The following PPM1B variants were observed in gnomAD, a reference collection of about 807,000 sequenced individuals.
PPM1B encodes the protein protein phosphatase, Mg2+/Mn2+ dependent 1B, also known as protein phosphatase 1B.
A neutral mutation model predicts 43.0 loss-of-function variants in PPM1B; 22 were observed. The ratio of observed to expected loss-of-function variants is 0.51; its 90% CI spans 0.37 to 0.73. The LOEUF (loss-of-function observed/expected upper bound fraction) is 0.73. Among genes scored for constraint, PPM1B ranks in the 30% least tolerant of loss-of-function variants. The pLI is 0.00. For synonymous variants in PPM1B, 217 were observed against 197.9 expected, an observed-to-expected ratio of 1.10 and a Z score of -0.81; for missense variants, 632 against 584.2, an observed-to-expected ratio of 1.08 and a Z score of -0.84.
At chr2:44,208,376 A>ACTGTGTTGTC (rs1411762369) in intron 2 of PPM1B, among the ~76,000 whole-genome samples, 3 of 152,188 alleles carry the variant, frequency 2.0e-5, no homozygotes, top group Non-Finnish European at 2.9e-5. Flanking sequence ...TTGTCCAGTT[A>ACTGTGTTGTC]CAGTCCCCCC....
intron 1 of PPM1B, among the ~76,000 whole-genome samples, chr2:44,172,999 T>A (rs755970318): frequency 1.3e-5 from 2 of 152,248 alleles, no homozygotes; most frequent in Non-Finnish European, 2.9e-5. Flanking sequence ...CCATATTCCT[T>A]TTCTTAAAGA....
downstream of PPM1B, chr2:44,231,515 C>G (rs1466037638): frequency 1.0e-5 from 9 of 894,536 alleles, no homozygotes; most frequent in Non-Finnish European, 1.2e-5. Context: ...TAAAAACAAC[C>G]AAGTTTGGTA....
chr2:44,182,954 G>C (rs191041434), intron 1 of PPM1B, among the ~76,000 whole-genome samples: 1 of 152,268 alleles, frequency 6.6e-6, no homozygotes, highest in East Asian at 1.9e-4. Context: ...ATCAGATCTT[G>C]TTGTATATTG....
downstream of PPM1B, among the ~76,000 whole-genome samples, chr2:44,231,655 A>T (rs1270215004): frequency 6.6e-6 from 1 of 152,144 alleles, no homozygotes; most frequent in African/African-American, 2.4e-5. Flanking sequence ...ACTTAAATCT[A>T]TTCTTTTTCT....
At chr2:44,209,407 G>A (rs1369236164) in intron 3 of PPM1B, 80 bp downstream of exon 3, 4 of 1,444,982 alleles carry the variant, frequency 2.8e-6, no homozygotes, top group Non-Finnish European at 3.7e-6. Context: ...TTTGTCGCCT[G>A]GGCGACACAC....
intron 5 of PPM1B, among the ~76,000 whole-genome samples, chr2:44,222,951 C>G (rs1670042032): frequency 6.6e-6 from 1 of 152,144 alleles, no homozygotes; most frequent in African/African-American, 2.4e-5. Flanking sequence ...CCAGCTCAGC[C>G]TCCTGAGTAG....
In PPM1B at chr2:44,201,511, T is replaced by C. The variant is rs1668935846; in HGVS notation, c.312T>C (p.Asn104=). 1.9e-6 allele frequency: 3 copies of C among 1,614,206 alleles called. No individual in the cohort carries two copies. The highest frequency in any genetic ancestry group is 2.5e-6 in the Non-Finnish European group (3 of 1,180,020). ...ALELSVENVK[N]GIRTGFLKID... ...AGCTTTCAGTGGAAAATGTTAAGAATGGTATCAGAACTGGATTTTTGAAAA... is the reference window on the plus strand; with the variant it reads ...AGCTTTCAGTGGAAAATGTTAAGAACGGTATCAGAACTGGATTTTTGAAAA... Residue 104 remains asparagine (N), a synonymous_variant, in exon 2 of 6, where the codon AAT becomes AAC. Transcript: ENST00000282412. The surrounding 1 kb of genome is among the most constrained non-coding windows in gnomAD (Gnocchi z 5.4).
At chr2:44,222,741 AT>A (rs1670031469) in intron 5 of PPM1B, among the ~76,000 whole-genome samples, 1 of 152,148 alleles carries the variant, frequency 6.6e-6, no homozygotes, top group African/African-American at 2.4e-5. Flanking sequence ...TAAGGTAGAG[AT>A]TATGTATGTC....
At chr2:44,235,967 A>G (rs1423645845), downstream of PPM1B, among the ~76,000 whole-genome samples, 1 of 152,186 alleles carries the variant, frequency 6.6e-6, no homozygotes, top group Non-Finnish European at 1.5e-5. Context: ...GAAGGAATAA[A>G]CAATCTAAGC....
intron 5 of PPM1B, among the ~76,000 whole-genome samples, chr2:44,223,015 A>T (rs1307617996): frequency 6.6e-6 from 1 of 152,000 alleles, no homozygotes; most frequent in Non-Finnish European, 1.5e-5. Flanking sequence ...TATTTTTTGT[A>T]GGGATAGGGT....
chr2:44,209,386 A>T, intron 3 of PPM1B, 59 bp downstream of exon 3: 1 of 1,559,666 alleles, frequency 6.4e-7, no homozygotes, highest in East Asian at 2.3e-5. Context: ...CATGCCTGTA[A>T]TCCTAGCACT....
downstream of PPM1B, among the ~76,000 whole-genome samples, chr2:44,235,722 C>A (rs144005773): frequency 2.5e-4 from 38 of 151,572 alleles, no homozygotes; most frequent in East Asian, 7.4e-3. Context: ...ATAGCAAGAC[C>A]TGGTTTCTAC....
In PPM1B at chr2:44,201,840, G is replaced by A. The variant is rs991289043; in HGVS notation, c.641G>A (p.Gly214Asp). The A allele has an allele frequency of 1.2e-6, 2 of 1,614,158 alleles. No individual in the cohort carries two copies. Among genetic ancestry groups the A allele is most frequent in the Admixed American group, 3.3e-5 (2 of 60,022 alleles). Residue 214 changes from glycine to aspartate, a missense_variant, in exon 2 of 6, where the codon GGC (glycine) becomes GAC (aspartate). By Grantham distance (94) the Gly-to-Asp change is moderately conservative. This residue lies in a region of PPM1B where 40 missense variants were observed against 80.8 expected (regional missense o/e 0.50). Coordinates refer to ENST00000282412, the MANE Select transcript of PPM1B (RefSeq NM_002706.6). This position sits in a 1 kb window ranked among gnomAD's most constrained non-coding sequence, Gnocchi z 5.4. Reference protein sequence around the residue: ...DYDYKCVDGKGPTEQLVSPEP... With the variant: ...DYDYKCVDGKDPTEQLVSPEP... ...GATTACAAGTGTGTTGATGGCAAGG[G>A]CCCAACAGAACAACTTGTTTCTCCA... is the stretch of plus-strand genomic sequence containing the variant.
At chr2:44,243,248 C>A (rs146744479) in intron 5 of PPM1B, among the ~76,000 whole-genome samples, 1 of 152,080 alleles carries the variant, frequency 6.6e-6, no homozygotes, top group African/African-American at 2.4e-5. Flanking sequence ...AAAAATATTC[C>A]CTTTTACCCT....
Position 44,218,029 on chromosome 2 carries a change from T to G in PPM1B, c.1027T>G (p.Ser343Ala), listed in dbSNP as rs754165328. The G allele has an allele frequency of 1.5e-5, 24 of 1,613,310 alleles. No individual in the cohort carries two copies. The highest frequency in any genetic ancestry group is 2.0e-5 in the Non-Finnish European group (24 of 1,179,770). Residue 343 changes from serine (S) to alanine (A), a missense_variant, in exon 4 of 6, where the codon TCT becomes GCT. Physicochemically the swap from Ser to Ala is moderately conservative, Grantham distance 99. This residue lies in a region of PPM1B where 392 missense variants were observed against 302.7 expected (regional missense o/e 1.29). Coordinates refer to ENST00000282412, the MANE Select transcript of PPM1B (RefSeq NM_002706.6). ...TCTTGCCCATGTCATGCGCATCTTG[T>G]CTGCAGAAAATATCCCAAATTTGCC... ...PDLAHVMRIL[S>A]AENIPNLPPG...
At chr2:44,185,199 G>A (rs963520321) in intron 1 of PPM1B, among the ~76,000 whole-genome samples, 2 of 151,922 alleles carry the variant, frequency 1.3e-5, no homozygotes, top group Non-Finnish European at 2.9e-5. Context: ...TTGTTAATGA[G>A]ATTCATCTAA....
downstream of PPM1B, chr2:44,234,222 T>C: frequency 1.0e-6 from 1 of 983,102 alleles, no homozygotes; most frequent in Non-Finnish European, 1.2e-6. Flanking sequence ...ATACTCCTTT[T>C]AAAAAAACCT....
intron 2 of PPM1B, among the ~76,000 whole-genome samples, chr2:44,205,317 GATAAA>G (rs1339309554): frequency 1.3e-5 from 2 of 151,090 alleles, no homozygotes; most frequent in Non-Finnish European, 2.9e-5. Flanking sequence ...AGAAGGGCCT[GATAAA>G]ATAAAGAAGA....
chr2:44,187,487 A>C (rs529856713), intron 1 of PPM1B, among the ~76,000 whole-genome samples: 1 of 152,230 alleles, frequency 6.6e-6, no homozygotes, highest in East Asian at 1.9e-4. Flanking sequence ...TTTTTGAAGA[A>C]GCGCCATACT....
Sources: allele counts gnomAD v4.1 joint callset (sites outside exome capture counted in the v4.1 genomes callset), GRCh38; gene constraint gnomAD v4.1.1; regional missense constraint gnomAD v4.1.1; non-coding constraint Gnocchi (gnomAD v3.1); transcripts MANE v1.5; gene names NCBI Gene and HGNC (gene_info 2026-07-23, HGNC 2026-07-21).